Variants in TSTD2 observed in about 807,000 individuals in gnomAD.
The protein encoded by TSTD2 is thiosulfate sulfurtransferase/rhodanese-like domain-containing protein 2.
A neutral mutation model predicts 47.9 loss-of-function variants in TSTD2; 37 were observed. The observed-to-expected ratio is 0.77, with a 90% CI of 0.59 to 1.02. TSTD2 has a LOEUF of 1.02. Ranked by LOEUF, TSTD2 falls within the 50% of genes least tolerant of loss-of-function variation. TSTD2 has a pLI of 0.00. For missense variants in TSTD2, 586 were observed against 616.0 expected, an observed-to-expected ratio of 0.95 and a Z score of 0.52; for synonymous variants, 201 against 215.9, an observed-to-expected ratio of 0.93 and a Z score of 0.61.
intron 6 of TSTD2, among the ~76,000 whole-genome samples, chr9:97,607,131 ACT>A (rs1826379479): frequency 6.6e-6 from 1 of 152,148 alleles, no homozygotes; most frequent in South Asian, 2.1e-4. Flanking sequence ...ACACCACTGT[ACT>A]CCAGCCTGGG....
At chr9:97,609,643 C>T (rs1003564198) in intron 6 of TSTD2, among the ~76,000 whole-genome samples, 9 of 152,084 alleles carry the variant, frequency 5.9e-5, no homozygotes, top group African/African-American at 1.4e-4. Context: ...GATGTGATAT[C>T]GTTTTGCATC....
At chr9:97,621,567 T>G (rs73554654) in intron 3 of TSTD2, among the ~76,000 whole-genome samples, 1,531 of 152,304 alleles carry the variant, frequency 0.01, 26 homozygotes, top group African/African-American at 0.035. Flanking sequence ...GGGAAGGGAA[T>G]GCATTCCCGG....
In TSTD2 at chr9:97,606,738, T is replaced by C. The variant is rs529920414; in HGVS notation, c.836-477A>G. 3.9e-5 allele frequency among the ~76,000 whole-genome samples: 6 copies of C among 152,254 alleles called. No homozygotes were observed. The East Asian group carries it at 7.7e-4, about 20-fold the overall frequency. On this transcript the variant is annotated intron_variant, in intron 6 of 9. Transcript: ENST00000341170. ...GTTCTATATTAAGGTCGAACCCACG[T>C]TGAAGGCTAAGAACCCACAGGCAGG... is the stretch of plus-strand genomic sequence containing the variant.
chr9:97,601,093 C>T lies in TSTD2; in HGVS notation c.*1376G>A. 2 of 1,304,310 alleles carry T rather than the reference C, an allele frequency of 1.5e-6. No individual in the cohort carries two copies. Among genetic ancestry groups the T allele is most frequent in the Non-Finnish European group, 2.0e-6 (2 of 988,958 alleles). The allele number at this position is 1,304,310 out of a possible 1,614,324, so 80.8% of individuals were successfully genotyped here. ...GTAACTGGAGGCGGGGCCAGGGCCT[C>T]AGCGCTATGGAAGAGTGTCCACTGA... On this transcript the variant is annotated 3_prime_UTR_variant, in exon 10 of 10. Transcript: ENST00000341170.
chr9:97,607,796 C>T (rs1826388809), intron 6 of TSTD2, among the ~76,000 whole-genome samples: 1 of 152,038 alleles, frequency 6.6e-6, no homozygotes. Context: ...CCCAGCTACT[C>T]AGTAGGCTGA....
In TSTD2 at chr9:97,606,255, TG is replaced by T. The variant is rs781012422; in HGVS notation, c.841del (p.His281IlefsTer11). 1 of 1,593,050 alleles carries T rather than the reference TG, an allele frequency of 6.3e-7. No individual in the cohort carries two copies. Among genetic ancestry groups the T allele is most frequent in the Non-Finnish European group, 8.5e-7 (1 of 1,169,774 alleles). ...TTTATGAAATTCACCTGGGGATAAA[TG>T]GATTCCTAAAACCAAACCAAAAAAA... ...KKISYKKPGI[H>X]LSPGEFHKEV... On this transcript the variant is annotated frameshift_variant, in exon 7 of 10. Coordinates refer to ENST00000341170, the MANE Select transcript of TSTD2 (RefSeq NM_139246.5). LOFTEE classifies it high-confidence loss of function.
chr9:97,611,933 G>A (rs1371297908), intron 4 of TSTD2, among the ~76,000 whole-genome samples: 1 of 152,106 alleles, frequency 6.6e-6, no homozygotes. Flanking sequence ...GTGTCATGGG[G>A]GTTTATTGTG....
chr9:97,632,413 C>G (rs948104219), intron 1 of TSTD2, among the ~76,000 whole-genome samples: 13 of 151,914 alleles, frequency 8.6e-5, no homozygotes, highest in African/African-American at 3.1e-4. Flanking sequence ...CACTTTGTTG[C>G]CCAGGCTGGA....
rs760948623 is a variant in TSTD2, at chr9:97,625,822, T to C, written c.341A>G (p.Gln114Arg). Residue 114 changes from glutamine to arginine, a missense_variant, in exon 3 of 10, where the codon CAA (glutamine) becomes CGA (arginine). Transcript: ENST00000341170. ...TGAGGTGCTCAATGTCACAGCCAGT[T>C]GCTTTAAAATAGAAGCTGTCTGGTG... ...IYHQTASILK[Q>R]LAVTLSTSKS... is the part of the protein sequence containing the mutation. 5.0e-6 allele frequency: 8 copies of C among 1,614,200 alleles called. No individual in the cohort carries two copies. The Admixed American group carries it at 1.2e-4, about 24-fold the overall frequency.
intron 4 of TSTD2, among the ~76,000 whole-genome samples, chr9:97,615,954 A>G (rs1021286731): frequency 6.6e-6 from 1 of 152,212 alleles, no homozygotes; most frequent in Non-Finnish European, 1.5e-5. Flanking sequence ...CTTACAGACT[A>G]TGGGAGGTCA....
chr9:97,632,297 C>T (rs549818862), intron 1 of TSTD2, among the ~76,000 whole-genome samples: 1 of 151,802 alleles, frequency 6.6e-6, no homozygotes, highest in Non-Finnish European at 1.5e-5. Context: ...ATTGTAAGAA[C>T]AGAAAGAGTG....
At position 97,625,791 on chromosome 9, in the gene TSTD2, A is replaced by C; in HGVS notation, c.372T>G (p.Ser124Arg). The C allele has an allele frequency of 1.2e-6, 2 of 1,614,026 alleles. No homozygotes were observed. Among genetic ancestry groups the C allele is most frequent in the Non-Finnish European group, 1.7e-6 (2 of 1,179,976 alleles). The change falls in exon 3 of 10, where the codon AGT becomes AGG. Residue 124 changes from serine to arginine, a missense_variant. Physicochemically the swap from Ser to Arg is moderately radical, Grantham distance 110. Coordinates refer to ENST00000341170, the MANE Select transcript of TSTD2 (RefSeq NM_139246.5). ...QLAVTLSTSK[S>R]LSSADEKNPL... ...GGTTCTTTTCATCTGCAGACGAAAG[A>C]CTCTTTGAGGTGCTCAATGTCACAG...
At chr9:97,625,632 G>C in intron 3 of TSTD2, 49 bp downstream of exon 3, 1 of 1,531,542 alleles carries the variant, frequency 6.5e-7, no homozygotes, top group African/African-American at 1.4e-5. Flanking sequence ...TCTCATTGTG[G>C]TTGGAAAAAT....
chr9:97,601,637 G>A lies in TSTD2; in HGVS notation c.*832C>T, dbSNP rs1041002495. 12 of 956,964 alleles carry A rather than the reference G, an allele frequency of 1.3e-5. No individual in the cohort carries two copies. The highest frequency in any genetic ancestry group is 7.1e-5 in the African/African-American group (4 of 56,614). The allele number at this position is 956,964 out of a possible 1,614,324, so 59.3% of individuals were successfully genotyped here. On this transcript the variant is annotated 3_prime_UTR_variant, in exon 10 of 10. Coordinates refer to ENST00000341170, the MANE Select transcript of TSTD2 (RefSeq NM_139246.5). The stretch of plus-strand genomic sequence containing the variant: ...AAAAGGCCAGACAGTAAAAATTTCC[G>A]ATTTTGCAGGCCACATAGTGTCTGT...
chr9:97,619,302 G>A (rs1333127794), intron 3 of TSTD2, among the ~76,000 whole-genome samples: 1 of 152,098 alleles, frequency 6.6e-6, no homozygotes, highest in African/African-American at 2.4e-5. Flanking sequence ...ATCAAATTTG[G>A]ACTACAGTTG....
In TSTD2 at chr9:97,611,238, C is replaced by T. The variant is rs570969845; in HGVS notation, c.729+336G>A. On this transcript the variant is annotated intron_variant, in intron 5 of 9. Transcript: ENST00000341170. Reference sequence around the variant, plus strand: ...ACTGCTTGAACCCAAGAGTTCCATACCAGCCTGGGCAACATAGTGAGACCC... The same window carrying T: ...ACTGCTTGAACCCAAGAGTTCCATATCAGCCTGGGCAACATAGTGAGACCC... 79 of 184,870 alleles carry T rather than the reference C, an allele frequency of 4.3e-4. 2 individuals are homozygous for T. Among genetic ancestry groups the T allele is most frequent in the African/African-American group, 1.6e-3 (70 of 42,892 alleles). The allele number at this position is 184,870 out of a possible 1,614,324, so 11.5% of individuals were successfully genotyped here.
At chr9:97,604,560 C>T in intron 9 of TSTD2, 167 bp downstream of exon 9, 1 of 1,050,468 alleles carries the variant, frequency 9.5e-7, no homozygotes. Flanking sequence ...GGCTAGGGTT[C>T]TCTCAGCTCC....
At chr9:97,615,525 A>T (rs934619870) in intron 4 of TSTD2, among the ~76,000 whole-genome samples, 3 of 152,186 alleles carry the variant, frequency 2.0e-5, no homozygotes, top group African/African-American at 7.2e-5. Context: ...AATAGAGTAG[A>T]GGCTTTTTTC....
chr9:97,605,175 T>C (rs957080684), intron 8 of TSTD2, among the ~76,000 whole-genome samples: 8 of 152,204 alleles, frequency 5.3e-5, no homozygotes, highest in Admixed American at 2.0e-4. Context: ...TGTTGGGACA[T>C]GTAATGTTAC....
Sources: gnomAD v4.1 joint callset for allele counts (sites outside exome capture counted in the v4.1 genomes callset) on GRCh38, gnomAD v4.1.1 for gene constraint, MANE v1.5 for transcripts, NCBI Gene and HGNC (gene_info 2026-07-23, HGNC 2026-07-21) for gene names.